Variants in INPP4B observed in about 807,000 individuals in gnomAD.
INPP4B encodes inositol polyphosphate-4-phosphatase type II B, also known as inositol polyphosphate 4-phosphatase type II.
In INPP4B, 55 loss-of-function variants were observed where a neutral mutation model predicts 122.5. The ratio of observed to expected loss-of-function variants is 0.45; its 90% CI spans 0.36 to 0.56. The LOEUF is 0.56. INPP4B is among the 20% of genes least tolerant of loss of function. INPP4B has a pLI of 0.00. For missense variants in INPP4B, 1,000 were observed against 1,097.7 expected (o/e 0.91, Z 1.26); for synonymous variants, 403 against 388.7 (o/e 1.04, Z -0.43).
chr4:142,173,659 C>A lies in INPP4B; in HGVS notation c.1332G>T (p.Lys444Asn). The A allele has an allele frequency of 6.2e-7, 1 of 1,612,490 alleles. No homozygotes were observed. Among genetic ancestry groups the A allele is most frequent in the African/African-American group, 1.3e-5 (1 of 74,918 alleles). Residue 444 changes from lysine to asparagine, a missense_variant, in exon 16 of 26, where the codon AAG becomes AAT. Lys to Asn is a moderately conservative substitution (Grantham distance 94). Coordinates refer to ENST00000262992, the MANE Select transcript of INPP4B (RefSeq NM_001101669.3). ...TTTCTGAAAGCATCTTTAAAGAATT[C>A]TTCAAGCTGTCTGGAGAATGCTGGC... ...SASQHSPDSLKNSLKMLSEKT... is the reference protein window; with the variant it reads ...SASQHSPDSLNNSLKMLSEKT...
intron 15 of INPP4B, among the ~76,000 whole-genome samples, chr4:142,180,668 C>G (rs904381869): frequency 6.6e-5 from 10 of 152,140 alleles, no homozygotes; most frequent in African/African-American, 2.4e-4. Context: ...AAACCAGGTT[C>G]AAACCCGGGT....
At chr4:142,398,428 AT>A (rs1562011281) in intron 7 of INPP4B, among the ~76,000 whole-genome samples, 7 of 114,756 alleles carry the variant, frequency 6.1e-5, no homozygotes, top group African/African-American at 1.6e-4. Context: ...ATATATATAT[AT>A]ATATATATAT....
intron 9 of INPP4B, among the ~76,000 whole-genome samples, chr4:142,295,746 T>C (rs1337021158): frequency 1.3e-5 from 2 of 149,048 alleles, no homozygotes; most frequent in Non-Finnish European, 3.0e-5. Flanking sequence ...CTTTTTTTTT[T>C]CTTTTCTTTT....
At chr4:142,483,789 T>A (rs533470397) in intron 2 of INPP4B, among the ~76,000 whole-genome samples, 207 of 152,142 alleles carry the variant, frequency 1.4e-3, no homozygotes, top group Non-Finnish European at 2.4e-3. Context: ...AAAGTTATTG[T>A]TACTTGGATA....
chr4:142,387,872 C>G (rs1162440128), intron 7 of INPP4B, among the ~76,000 whole-genome samples: 1 of 152,116 alleles, frequency 6.6e-6, no homozygotes, highest in Non-Finnish European at 1.5e-5. Flanking sequence ...GATGGCCCAG[C>G]AAACTGGTCA....
At chr4:142,286,067 CT>C (rs1253513346) in intron 9 of INPP4B, among the ~76,000 whole-genome samples, 1 of 152,168 alleles carries the variant, frequency 6.6e-6, no homozygotes, top group Admixed American at 6.5e-5. Context: ...TCCTACAGGA[CT>C]TTTTTTGTTA....
chr4:142,631,636 A>G (rs185509319), intron 2 of INPP4B, among the ~76,000 whole-genome samples: 1 of 152,248 alleles, frequency 6.6e-6, no homozygotes, highest in African/African-American at 2.4e-5. Flanking sequence ...ACATCTAAAT[A>G]CATCATGGTA....
chr4:142,601,366 G>A (rs1053373927), intron 2 of INPP4B, among the ~76,000 whole-genome samples: 1 of 151,842 alleles, frequency 6.6e-6, no homozygotes, highest in Non-Finnish European at 1.5e-5. Flanking sequence ...TTTCATAACA[G>A]TATGGTATAA....
chr4:142,649,561 G>A (rs1016081829), intron 2 of INPP4B, among the ~76,000 whole-genome samples: 4 of 152,152 alleles, frequency 2.6e-5, no homozygotes, highest in Non-Finnish European at 5.9e-5. Context: ...AGAACTTCGT[G>A]ATGCATACAT....
At chr4:142,259,260 C>T (rs999029253) in intron 11 of INPP4B, among the ~76,000 whole-genome samples, 2 of 150,594 alleles carry the variant, frequency 1.3e-5, no homozygotes, top group African/African-American at 4.9e-5. Context: ...TGCTAAATGA[C>T]GACTTAGTGG....
At chr4:142,565,508 A>G (rs1411980503) in intron 2 of INPP4B, among the ~76,000 whole-genome samples, 1 of 152,204 alleles carries the variant, frequency 6.6e-6, no homozygotes, top group Admixed American at 6.5e-5. Context: ...AAAGGAGAAA[A>G]GAAAACTTTT....
intron 1 of INPP4B, among the ~76,000 whole-genome samples, chr4:142,744,312 G>A (rs1034672102): frequency 2.6e-5 from 4 of 151,572 alleles, no homozygotes; most frequent in African/African-American, 9.7e-5. Flanking sequence ...CAGAAATGGG[G>A]GACAATATCC....
At chr4:142,149,804 A>G (rs1812820802) in intron 17 of INPP4B, among the ~76,000 whole-genome samples, 1 of 152,216 alleles carries the variant, frequency 6.6e-6, no homozygotes, top group Non-Finnish European at 1.5e-5. Context: ...TCACTTTGGC[A>G]CAAAGGACAT....
intron 2 of INPP4B, among the ~76,000 whole-genome samples, chr4:142,502,579 C>A (rs1305831796): frequency 1.3e-5 from 2 of 152,112 alleles, no homozygotes; most frequent in Admixed American, 6.5e-5. Context: ...ACCTCCATCT[C>A]CTGGGTTCAA....
chr4:142,259,982 G>T, intron 11 of INPP4B, among the ~76,000 whole-genome samples: 1 of 151,704 alleles, frequency 6.6e-6, no homozygotes, highest in East Asian at 1.9e-4. Context: ...CATGATATTT[G>T]TTTTTTGTTC....
chr4:142,457,418 C>A (rs1009328390), intron 3 of INPP4B, among the ~76,000 whole-genome samples: 1 of 152,046 alleles, frequency 6.6e-6, no homozygotes, highest in African/African-American at 2.4e-5. Context: ...ATTTAATGAC[C>A]TTTTGAAACT....
At chr4:142,773,645 A>G (rs752866749) in intron 1 of INPP4B, among the ~76,000 whole-genome samples, 51 of 152,234 alleles carry the variant, frequency 3.4e-4, no homozygotes, top group Non-Finnish European at 6.8e-4. Flanking sequence ...GTTATAAGAC[A>G]TCATAATTTC....
At chr4:142,367,826 T>A (rs1194720491) in intron 7 of INPP4B, among the ~76,000 whole-genome samples, 1 of 152,158 alleles carries the variant, frequency 6.6e-6, no homozygotes, top group Non-Finnish European at 1.5e-5. Context: ...TTTGGCCAGA[T>A]TCTAATATGC....
chr4:142,298,683 CAAAAAA>C (rs386401712), intron 9 of INPP4B, among the ~76,000 whole-genome samples: 3 of 66,452 alleles, frequency 4.5e-5, no homozygotes, highest in African/African-American at 1.2e-4. Flanking sequence ...GACTCTGTCT[CAAAAAA>C]AAAAAAAAAA....
Sources: allele counts gnomAD v4.1 joint callset (sites outside exome capture counted in the v4.1 genomes callset), GRCh38; gene constraint gnomAD v4.1.1; transcripts MANE v1.5; gene names NCBI Gene and HGNC (gene_info 2026-07-23, HGNC 2026-07-21).